Variants in DPYD observed in about 807,000 individuals in gnomAD.
DPYD encodes the protein dihydropyrimidine dehydrogenase [NADP(+)].
Under a neutral mutation model 116.2 loss-of-function variants are expected in DPYD, and 109 were observed. That is an observed-to-expected ratio of 0.94 (90% confidence interval 0.80 to 1.10). The LOEUF is 1.10. DPYD is among the 50% of genes least tolerant of loss of function. DPYD has a pLI of 0.00. For synonymous variants in DPYD, 440 were observed against 432.0 expected (o/e 1.02, Z -0.23); for missense variants, 1,302 against 1,254.5 (o/e 1.04, Z -0.57).
intron 3 of DPYD, among the ~76,000 whole-genome samples, chr1:97,758,543 C>A (rs974737444): frequency 6.6e-6 from 1 of 152,058 alleles, no homozygotes; most frequent in Admixed American, 6.6e-5. Context: ...TGAATGAAAT[C>A]CAATCCACAG....
intron 2 of DPYD, among the ~76,000 whole-genome samples, chr1:97,862,382 G>A (rs1390392599): frequency 6.6e-6 from 1 of 151,838 alleles, no homozygotes; most frequent in South Asian, 2.1e-4. Flanking sequence ...GACACAAGCT[G>A]AGAAATCCAA....
At chr1:97,660,780 T>G (rs1002181724) in intron 8 of DPYD, among the ~76,000 whole-genome samples, 4 of 152,180 alleles carry the variant, frequency 2.6e-5, no homozygotes, top group South Asian at 4.1e-4. Flanking sequence ...TCTTCACTAT[T>G]TTTGTGTCAA....
At chr1:97,671,553 A>G (rs1659860346) in intron 8 of DPYD, among the ~76,000 whole-genome samples, 1 of 152,218 alleles carries the variant, frequency 6.6e-6, no homozygotes, top group African/African-American at 2.4e-5. Context: ...ATGAATTTTA[A>G]GCAGTGAAGT....
At chr1:97,631,019 T>C (rs761669705) in intron 8 of DPYD, among the ~76,000 whole-genome samples, 1 of 152,040 alleles carries the variant, frequency 6.6e-6, no homozygotes, top group Non-Finnish European at 1.5e-5. Context: ...ATTGAAGAAA[T>C]GGAGGTAGTT....
intron 12 of DPYD, among the ~76,000 whole-genome samples, chr1:97,518,127 T>C (rs1394523278): frequency 6.6e-6 from 1 of 151,986 alleles, no homozygotes; most frequent in African/African-American, 2.4e-5. Flanking sequence ...TTTGCAAGAT[T>C]TTCCTTAAGC....
At chr1:97,456,295 G>A (rs1676681676) in intron 13 of DPYD, among the ~76,000 whole-genome samples, 1 of 151,898 alleles carries the variant, frequency 6.6e-6, no homozygotes, top group African/African-American at 2.4e-5. Flanking sequence ...AAAAAATGGG[G>A]TGTTGTCTAT....
chr1:97,811,375 T>C (rs1668343239), intron 3 of DPYD, among the ~76,000 whole-genome samples: 2 of 152,062 alleles, frequency 1.3e-5, no homozygotes, highest in South Asian at 4.1e-4. Flanking sequence ...CAATAAATAT[T>C]TGAAAGACTA....
chr1:97,113,342 T>C (rs1382640671), intron 20 of DPYD, among the ~76,000 whole-genome samples: 2 of 152,132 alleles, frequency 1.3e-5, no homozygotes, highest in African/African-American at 4.8e-5. Flanking sequence ...TCTTTCATTA[T>C]TGACTATCAG....
chr1:97,670,588 A>G (rs1161398686), intron 8 of DPYD, among the ~76,000 whole-genome samples: 1 of 152,198 alleles, frequency 6.6e-6, no homozygotes, highest in Non-Finnish European at 1.5e-5. Context: ...CAGAATTGTG[A>G]GAAAATAAAT....
intron 19 of DPYD, among the ~76,000 whole-genome samples, chr1:97,205,339 C>T (rs1409132137): frequency 6.6e-6 from 1 of 151,934 alleles, no homozygotes; most frequent in African/African-American, 2.4e-5. Context: ...CTCCCCCATC[C>T]CCTGGCAACC....
chr1:97,387,500 A>G (rs1167405539), intron 14 of DPYD, among the ~76,000 whole-genome samples: 1 of 152,110 alleles, frequency 6.6e-6, no homozygotes, highest in Admixed American at 6.6e-5. Context: ...AGATACTTTA[A>G]TTGGACCATT....
intron 20 of DPYD, among the ~76,000 whole-genome samples, chr1:97,109,762 T>A (rs556065204): frequency 6.6e-6 from 1 of 152,250 alleles, no homozygotes; most frequent in South Asian, 2.1e-4. Flanking sequence ...TGGAATGAAA[T>A]GATCATCATT....
At chr1:97,591,781 A>C (rs923574680) in intron 10 of DPYD, among the ~76,000 whole-genome samples, 8 of 152,096 alleles carry the variant, frequency 5.3e-5, no homozygotes, top group Non-Finnish European at 1.0e-4. Context: ...TCAAGTACAA[A>C]CTATGTGCCA....
chr1:97,386,158 T>A (rs1290472401), intron 14 of DPYD, among the ~76,000 whole-genome samples: 2 of 152,004 alleles, frequency 1.3e-5, no homozygotes, highest in African/African-American at 4.8e-5. Flanking sequence ...CCTTTCCCTA[T>A]CCATTGAAAG....
intron 13 of DPYD, among the ~76,000 whole-genome samples, chr1:97,502,232 C>A (rs1679624528): frequency 6.6e-6 from 1 of 152,068 alleles, no homozygotes; most frequent in South Asian, 2.1e-4. Flanking sequence ...TTTTCTAACA[C>A]CTGATAAACT....
At chr1:97,484,529 T>C (rs1010715567) in intron 13 of DPYD, among the ~76,000 whole-genome samples, 1 of 152,180 alleles carries the variant, frequency 6.6e-6, no homozygotes, top group Non-Finnish European at 1.5e-5. Context: ...GTGGCCACCA[T>C]GTTCTTCATT....
At chr1:97,450,361 A>C (rs1676345137) in intron 13 of DPYD, 138 bp from the exon 14 acceptor site, 3 of 850,412 alleles carry the variant, frequency 3.5e-6, no homozygotes, top group Non-Finnish European at 5.3e-6. Flanking sequence ...ATATACATTA[A>C]ATTAGAATTG....
chr1:97,782,536 T>C (rs1666807743), intron 3 of DPYD, among the ~76,000 whole-genome samples: 1 of 152,216 alleles, frequency 6.6e-6, no homozygotes, highest in Admixed American at 6.5e-5. Context: ...CTGGGGGCAC[T>C]GCCATGTATA....
intron 7 of DPYD, among the ~76,000 whole-genome samples, chr1:97,680,812 G>T (rs1038259202): frequency 2.0e-5 from 3 of 152,102 alleles, no homozygotes; most frequent in African/African-American, 7.2e-5. Flanking sequence ...TCAGGGACTG[G>T]CCTCTTGAGT....
Sources: allele counts gnomAD v4.1 joint callset (sites outside exome capture counted in the v4.1 genomes callset), GRCh38; gene constraint gnomAD v4.1.1; transcripts MANE v1.5; gene names NCBI Gene and HGNC (gene_info 2026-07-23, HGNC 2026-07-21).